The following BCL7A variants were observed in gnomAD, a reference collection of about 807,000 sequenced individuals.
BCL7A encodes the protein BAF chromatin remodeling complex subunit BCL7A.
A neutral mutation model predicts 28.4 loss-of-function variants in BCL7A; 11 were observed. That is an observed-to-expected ratio of 0.39 (90% CI 0.24 to 0.64). The LOEUF is 0.64. Ranked by LOEUF, BCL7A falls within the 30% of genes least tolerant of loss-of-function variation. BCL7A has a pLI of 0.50. For missense variants in BCL7A, 222 were observed against 274.8 expected (o/e 0.81, Z 1.36); for synonymous variants, 123 against 103.3 (o/e 1.19, Z -1.15).
intron 3 of BCL7A, among the ~76,000 whole-genome samples, chr12:122,039,238 A>G (rs1042142314): frequency 3.3e-5 from 5 of 151,488 alleles, no homozygotes; most frequent in African/African-American, 9.7e-5. Flanking sequence ...TGGAGCTTTC[A>G]GTGAGCCAAG....
At chr12:122,024,195 T>G (rs1593020463) in intron 1 of BCL7A, among the ~76,000 whole-genome samples, 2 of 152,320 alleles carry the variant, frequency 1.3e-5, no homozygotes, top group Admixed American at 6.5e-5. Flanking sequence ...AAACAACACA[T>G]CGTGTCCTCT....
In BCL7A at chr12:122,059,603, C is replaced by T. The variant is rs1951903631; in HGVS notation, c.*440C>T. 4.2e-6 allele frequency: 1 copy of T among 237,758 alleles called. No homozygotes were observed. The highest frequency in any genetic ancestry group is 8.3e-6 in the Non-Finnish European group (1 of 121,106). The allele number at this position is 237,758 out of a possible 1,614,324, so 14.7% of individuals were successfully genotyped here. ...TTTGTGCCTTGTGCCCTTGAGGTGA[C>T]CTCTGGCATGTATCCTGGTGGTTCT... On this transcript the variant is annotated 3_prime_UTR_variant, in exon 6 of 6. Transcript: ENST00000261822. The surrounding 1 kb of genome is among the most constrained non-coding windows in gnomAD (Gnocchi z 4.0).
At chr12:122,031,480 C>A (rs1235048285) in intron 2 of BCL7A, among the ~76,000 whole-genome samples, 1 of 152,194 alleles carries the variant, frequency 6.6e-6, no homozygotes, top group Admixed American at 6.5e-5. Context: ...TGGGCTGATG[C>A]CTCACATGTG....
intron 1 of BCL7A, among the ~76,000 whole-genome samples, chr12:122,022,407 G>A (rs1883484245): frequency 2.1e-5 from 3 of 144,342 alleles, no homozygotes; most frequent in Admixed American, 6.8e-5. Context: ...CGCGCCTGTA[G>A]CCCACCTGGC....
chr12:122,045,342 T>C (rs755795117), intron 4 of BCL7A, among the ~76,000 whole-genome samples: 4 of 152,118 alleles, frequency 2.6e-5, no homozygotes, highest in Non-Finnish European at 5.9e-5. Flanking sequence ...AATTGTGCCA[T>C]TGCACTCCAG....
intron 1 of BCL7A, among the ~76,000 whole-genome samples, chr12:122,024,259 C>T (rs948462797): frequency 1.3e-5 from 2 of 152,122 alleles, no homozygotes; most frequent in Admixed American, 1.3e-4. Flanking sequence ...ACTTCGTTGC[C>T]GCGACCTTGG....
intron 1 of BCL7A, among the ~76,000 whole-genome samples, chr12:122,027,915 C>CT (rs1446383566): frequency 6.6e-6 from 1 of 152,116 alleles, no homozygotes; most frequent in Non-Finnish European, 1.5e-5. Context: ...GAGCAACGCC[C>CT]TTTTTTGGGG....
chr12:122,039,319 A>AAT (rs1565938392), intron 3 of BCL7A, among the ~76,000 whole-genome samples: 4 of 147,312 alleles, frequency 2.7e-5, no homozygotes, highest in East Asian at 3.9e-4. Flanking sequence ...TTAAAAAAAA[A>AAT]AATAATAATA....
chr12:122,022,655 C>CCGCGCACCCCGG (rs1222241942), intron 1 of BCL7A, among the ~76,000 whole-genome samples: 1 of 146,240 alleles, frequency 6.8e-6, no homozygotes, highest in Admixed American at 6.8e-5. Flanking sequence ...CGTCTCCTCC[C>CCGCGCACCCCGG]CGCGCACCCC....
At chr12:122,054,421 AG>A (rs1180412658) in intron 4 of BCL7A, among the ~76,000 whole-genome samples, 1 of 152,212 alleles carries the variant, frequency 6.6e-6, no homozygotes, top group African/African-American at 2.4e-5. Context: ...TGTTTACAAA[AG>A]GTTAGGACGA....
At chr12:122,024,774 G>T (rs1883578645) in intron 1 of BCL7A, among the ~76,000 whole-genome samples, 2 of 152,078 alleles carry the variant, frequency 1.3e-5, no homozygotes, top group Non-Finnish European at 2.9e-5. Context: ...CAATATTTGG[G>T]ACACACTTAT....
rs1393330516 is a variant in BCL7A at position 122,060,154 on chromosome 12, G to A, written c.*991G>A. The stretch of plus-strand genomic sequence containing the variant: ...GGTGCTGAACTTTCTCTCATAGGAC[G>A]TCGCTTGGATTTCAAATCCACGGTC... On this transcript the variant is annotated 3_prime_UTR_variant, in exon 6 of 6. Transcript: ENST00000261822. 3 of 232,930 alleles carry A rather than the reference G, an allele frequency of 1.3e-5. No individual in the cohort carries two copies. The highest frequency in any genetic ancestry group is 1.7e-5 in the Non-Finnish European group (2 of 117,694). The allele number at this position is 232,930 out of a possible 1,614,324, so 14.4% of individuals were successfully genotyped here.
intron 3 of BCL7A, among the ~76,000 whole-genome samples, chr12:122,036,884 A>G (rs1471866795): frequency 6.6e-6 from 1 of 151,790 alleles, no homozygotes. Context: ...ATTTTTTTGT[A>G]TTTTAGTAGA....
Position 122,049,241 on chromosome 12 carries a change from A to AAG in BCL7A, c.439+5192_439+5193dup, listed in dbSNP as rs1245671947. Among the ~76,000 whole-genome samples, 5 of 149,504 alleles carry AAG rather than the reference A, an allele frequency of 3.3e-5. No homozygotes were observed. The East Asian group carries it at 5.8e-4, about 17-fold the overall frequency. On this transcript the variant is annotated intron_variant, in intron 4 of 5. Coordinates refer to ENST00000261822, the MANE Select transcript of BCL7A (RefSeq NM_001024808.3). The stretch of plus-strand genomic sequence containing the variant: ...ACCCTGTCTTAAAAAAAAAAAAAAA[A>AAG]AGAGAAGAAAAAGAAGAAGAAAGTA...
intron 5 of BCL7A, among the ~76,000 whole-genome samples, chr12:122,058,017 C>G (rs1593038764): frequency 6.6e-6 from 1 of 151,666 alleles, no homozygotes; most frequent in South Asian, 2.1e-4. Context: ...TAGCAAGACC[C>G]CATCTCTACA....
intron 1 of BCL7A, 98 bp from the exon 2 acceptor site, chr12:122,030,602 G>A (rs1488558723): frequency 1.3e-5 from 15 of 1,136,744 alleles, no homozygotes; most frequent in Non-Finnish European, 1.9e-5. Flanking sequence ...ACCCTCATCT[G>A]TGTGATCTGG....
At chr12:122,039,176 A>G in intron 3 of BCL7A, among the ~76,000 whole-genome samples, 1 of 151,798 alleles carries the variant, frequency 6.6e-6, no homozygotes, top group Non-Finnish European at 1.5e-5. Flanking sequence ...TGGTGCCTGT[A>G]GTCCCAGCTA....
At chr12:122,045,330 G>T (rs544649192) in intron 4 of BCL7A, among the ~76,000 whole-genome samples, 1 of 152,124 alleles carries the variant, frequency 6.6e-6, no homozygotes, top group Non-Finnish European at 1.5e-5. Flanking sequence ...GCAGTGAGCC[G>T]AAATTGTGCC....
chr12:122,060,263 C>T lies in BCL7A; in HGVS notation c.*1100C>T, dbSNP rs1465331960. The T allele has an allele frequency of 4.3e-6, 1 of 232,932 alleles. No homozygotes were observed. The highest frequency in any genetic ancestry group is 2.2e-5 in the African/African-American group (1 of 45,314). The allele number at this position is 232,932 out of a possible 1,614,324, so 14.4% of individuals were successfully genotyped here. A position where few individuals can be genotyped will look rare whatever the true frequency, so the allele number is the denominator to read the frequency against. Reference sequence around the variant, plus strand: ...CAGTGGTCAGAATCCACGTGCTTTCCTATTCTCAGGCTGTTCTGACTCTGA... The same window carrying T: ...CAGTGGTCAGAATCCACGTGCTTTCTTATTCTCAGGCTGTTCTGACTCTGA... On this transcript the variant is annotated 3_prime_UTR_variant, in exon 6 of 6. Coordinates refer to ENST00000261822, the MANE Select transcript of BCL7A (RefSeq NM_001024808.3).
Sources: gnomAD v4.1 joint callset for allele counts (sites outside exome capture counted in the v4.1 genomes callset) on GRCh38, gnomAD v4.1.1 for gene constraint, Gnocchi (gnomAD v3.1) non-coding constraint, MANE v1.5 for transcripts, NCBI Gene and HGNC (gene_info 2026-07-23, HGNC 2026-07-21) for gene names.